SUPT5H: variants seen among roughly 807,000 people sequenced by gnomAD.
The protein encoded by SUPT5H is transcription elongation factor SPT5.
Under a neutral mutation model 142.5 loss-of-function variants are expected in SUPT5H, and 24 were observed. The observed-to-expected ratio is 0.17, with a 90% CI of 0.12 to 0.24. SUPT5H has a LOEUF of 0.24. SUPT5H is among the 10% of genes least tolerant of loss of function. SUPT5H has a pLI of 1.00. For synonymous variants in SUPT5H, 546 were observed against 553.0 expected, an observed-to-expected ratio of 0.99 and a Z score of 0.18; for missense variants, 893 against 1,471.8, an observed-to-expected ratio of 0.61 and a Z score of 6.43.
At chr19:39,456,997 A>T (rs558394220) in intron 3 of SUPT5H, among the ~76,000 whole-genome samples, 1 of 152,354 alleles carries the variant, frequency 6.6e-6, no homozygotes, top group South Asian at 2.1e-4. Flanking sequence ...CTCTATGGAC[A>T]TTGGAGTTTT....
At chr19:39,457,551 G>C in intron 3 of SUPT5H, 124 bp from the exon 4 acceptor site, 1 of 1,501,606 alleles carries the variant, frequency 6.7e-7, no homozygotes, top group South Asian at 1.3e-5. Flanking sequence ...CCCTGTTGGA[G>C]CCTCAGTGTC....
At chr19:39,459,503 G>A in intron 8 of SUPT5H, 56 bp from the exon 9 acceptor site, 1 of 1,609,346 alleles carries the variant, frequency 6.2e-7, no homozygotes, top group Non-Finnish European at 8.5e-7. Flanking sequence ...GGGTTCGTCT[G>A]TTTGTTACTG....
At position 39,459,231 on chromosome 19, in the gene SUPT5H, A is replaced by G. The variant is rs768029022; in HGVS notation, c.506A>G (p.Gln169Arg). Residue 169 changes from glutamine (Q) to arginine (R), a missense_variant, in exon 8 of 30, where the codon CAG (glutamine) becomes CGG (arginine). Gln to Arg is a conservative substitution (Grantham distance 43, BLOSUM62 1). Around this residue, in one of 6 missense-constraint regions of SUPT5H, gnomAD observed 428 missense variants for 763.5 expected, o/e 0.56. Transcript: ENST00000432763. Reference sequence around the variant, plus strand: ...CTCTCAGACGACATCACCCAGCAGCAGCTGCTCCCAGGAGTCAAGTAAGGG... The same window carrying G: ...CTCTCAGACGACATCACCCAGCAGCGGCTGCTCCCAGGAGTCAAGTAAGGG... ...DELSDDITQQ[Q>R]LLPGVKDPNL... 1 of 1,561,730 alleles carries G rather than the reference A, an allele frequency of 6.4e-7. No homozygotes were observed. The highest frequency in any genetic ancestry group is 1.4e-5 in the African/African-American group (1 of 72,556).
At chr19:39,453,165 A>T (rs1427673771) in intron 2 of SUPT5H, among the ~76,000 whole-genome samples, 191 bp from the exon 3 acceptor site, 1 of 151,954 alleles carries the variant, frequency 6.6e-6, no homozygotes, top group Non-Finnish European at 1.5e-5. Flanking sequence ...GTGGCTGGGG[A>T]GATGGCAGTG....
rs200179073 is a variant in SUPT5H, at chr19:39,469,247, C to A, written c.1238-15C>A. ...GGTGGCAACCCCCGAGTCAGCCCTA[C>A]GACTGCCCCTGCAGGGAAGGAGCGG... On this transcript the variant is annotated splice_polypyrimidine_tract_variant and intron_variant, in intron 15 of 29. Coordinates refer to ENST00000432763, the MANE Select transcript of SUPT5H (RefSeq NM_001111020.3). This position sits in a 1 kb window ranked among gnomAD's most constrained non-coding sequence, Gnocchi z 5.1. 1.4e-4 allele frequency: 228 copies of A among 1,614,078 alleles called. No homozygotes were observed. Among genetic ancestry groups the A allele is most frequent in the Admixed American group, 3.2e-4 (19 of 60,008 alleles).
Position 39,468,881 on chromosome 19 carries a change from G to A in SUPT5H, c.1143+20G>A. ...GCTGTGGTGAGGGTCCCAGAGGGGT[G>A]TTGGTAATGGGGGTGGTGTGAGTGT... On this transcript the variant is annotated intron_variant, in intron 14 of 29. Transcript: ENST00000432763. The A allele has an allele frequency of 6.2e-7, 1 of 1,610,784 alleles. No individual in the cohort carries two copies. Among genetic ancestry groups the A allele is most frequent in the Non-Finnish European group, 8.5e-7 (1 of 1,176,946 alleles).
intron 10 of SUPT5H, among the ~76,000 whole-genome samples, chr19:39,462,373 A>G (rs2079174124): frequency 6.6e-6 from 1 of 152,184 alleles, no homozygotes; most frequent in Admixed American, 6.6e-5. Flanking sequence ...AGCTCCTGGT[A>G]ACTATGAATC....
At position 39,445,935 on chromosome 19, in the gene SUPT5H, C is replaced by T. The variant is rs928717631; in HGVS notation, c.45C>T (p.Ser15=). 1.2e-6 allele frequency: 2 copies of T among 1,613,424 alleles called. No individual in the cohort carries two copies. Among genetic ancestry groups the T allele is most frequent in the Middle Eastern group, 1.6e-4 (1 of 6,062 alleles). ...EDSNFSEEED[S]ERSSDGEEAE... Reference sequence around the variant, plus strand: ...GCAACTTTTCCGAGGAGGAGGACAGCGAGCGCAGCAGTGACGGCGAGGAGG... The same window carrying T: ...GCAACTTTTCCGAGGAGGAGGACAGTGAGCGCAGCAGTGACGGCGAGGAGG... The change falls in exon 2 of 30, where the codon AGC becomes AGT. Residue 15 remains serine (S), a synonymous_variant. Coordinates refer to ENST00000432763, the MANE Select transcript of SUPT5H (RefSeq NM_001111020.3).
chr19:39,458,452 G>A lies in SUPT5H; in HGVS notation c.319+147G>A. The A allele has an allele frequency of 7.2e-7, 1 of 1,395,796 alleles. No homozygotes were observed. The highest frequency in any genetic ancestry group is 9.7e-7 in the Non-Finnish European group (1 of 1,026,370). The allele number at this position is 1,395,796 out of a possible 1,614,324, so 86.5% of individuals were successfully genotyped here. A position where few individuals can be genotyped will look rare whatever the true frequency, so the allele number is the denominator to read the frequency against. On this transcript the variant is annotated intron_variant, in intron 5 of 29. Coordinates refer to ENST00000432763, the MANE Select transcript of SUPT5H (RefSeq NM_001111020.3). The surrounding 1 kb of genome is among the most constrained non-coding windows in gnomAD (Gnocchi z 4.2). ...TGACCCATGTAGGATCCAGAGTCAG[G>A]GAGTTCTGGGGCCAGGTATACCCCA...
chr19:39,461,837 A>AT lies in SUPT5H; in HGVS notation c.624+1877_624+1878insT, dbSNP rs1170794333. On this transcript the variant is annotated intron_variant, in intron 10 of 29. Transcript: ENST00000432763. ...AGACTGTCTCAAAAAAAAAAAAAAA[A>AT]AAATAATAATAATAATAATTAAAAG... Among the ~76,000 whole-genome samples, 1,193 of 146,676 alleles carry AT rather than the reference A, an allele frequency of 8.1e-3. 5 individuals carry two copies. The highest frequency in any genetic ancestry group is 0.013 in the Non-Finnish European group (843 of 66,202).
chr19:39,447,334 A>C (rs1298224108), intron 2 of SUPT5H, among the ~76,000 whole-genome samples: 1 of 152,262 alleles, frequency 6.6e-6, no homozygotes, highest in African/African-American at 2.4e-5. Context: ...GATGTGATCT[A>C]ATGTTTTGAA....
rs76040174 is a variant in SUPT5H, at chr19:39,459,257, G to A, written c.524+8G>A. ...GCTGCTCCCAGGAGTCAAGTAAGGG[G>A]GTTGGGATGGTGGGGGCCGTGCTGG... is the stretch of plus-strand genomic sequence containing the variant. On this transcript the variant is annotated splice_region_variant and intron_variant, in intron 8 of 29. Transcript: ENST00000432763. The A allele has an allele frequency of 0.011, 16,936 of 1,557,606 alleles. 198 individuals carry two copies. The highest frequency in any genetic ancestry group is 0.055 in the African/African-American group (4,012 of 73,278).
chr19:39,473,600 G>A lies in SUPT5H; in HGVS notation c.2492+79G>A, dbSNP rs1413848422. 8 of 1,462,370 alleles carry A rather than the reference G, an allele frequency of 5.5e-6. No individual in the cohort carries two copies. Among genetic ancestry groups the A allele is most frequent in the Non-Finnish European group, 7.4e-6 (8 of 1,080,206 alleles). The allele number at this position is 1,462,370 out of a possible 1,614,324, so 90.6% of individuals were successfully genotyped here. On this transcript the variant is annotated intron_variant, in intron 25 of 29. Coordinates refer to ENST00000432763, the MANE Select transcript of SUPT5H (RefSeq NM_001111020.3). This position sits in a 1 kb window ranked among gnomAD's most constrained non-coding sequence, Gnocchi z 5.8. ...TGCTGGGTGTCTGGGGCATTGGAGG[G>A]GTTTGTGGGGCCCACCCAGCATTCT...
intron 1 of SUPT5H, 47 bp from the exon 2 acceptor site, chr19:39,445,757 C>T (rs998602959): frequency 9.5e-7 from 1 of 1,056,044 alleles, no homozygotes; most frequent in Admixed American, 2.1e-5. Context: ...TTCGCGATTG[C>T]CAAAACGAGC....
intron 10 of SUPT5H, among the ~76,000 whole-genome samples, chr19:39,460,917 G>A (rs1482308845): frequency 6.6e-6 from 1 of 152,128 alleles, no homozygotes; most frequent in Non-Finnish European, 1.5e-5. Context: ...GCCACTGGGT[G>A]TGACCCAGTG....
intron 2 of SUPT5H, among the ~76,000 whole-genome samples, chr19:39,446,446 T>C (rs959488668): frequency 7.2e-5 from 11 of 152,218 alleles, no homozygotes; most frequent in African/African-American, 2.7e-4. Context: ...TGGAGAGTCC[T>C]GGTTGCTCTT....
Position 39,458,705 on chromosome 19 carries a change from C to G in SUPT5H, c.320-113C>G, listed in dbSNP as rs551881837. 1 of 983,364 alleles carries G rather than the reference C, an allele frequency of 1.0e-6. No homozygotes were observed. The highest frequency in any genetic ancestry group is 1.7e-5 in the South Asian group (1 of 59,962). 60.9% of individuals were successfully genotyped at this position (983,364 alleles called of 1,614,324 possible). On this transcript the variant is annotated intron_variant, in intron 5 of 29. Transcript: ENST00000432763. This position sits in a 1 kb window ranked among gnomAD's most constrained non-coding sequence, Gnocchi z 4.2. ...GGTTGGGATTTCCTCTGTGAGATGT[C>G]ATCTTCCTGCCCCAGGGCCAAACCC... is the stretch of plus-strand genomic sequence containing the variant.
intron 9 of SUPT5H, 51 bp downstream of exon 9, chr19:39,459,640 T>G: frequency 6.2e-7 from 1 of 1,607,406 alleles, no homozygotes; most frequent in Non-Finnish European, 8.5e-7. Flanking sequence ...TGAGGGAGGC[T>G]GCTTTGTGGG....
At position 39,474,014 on chromosome 19, in the gene SUPT5H, G is replaced by A. The variant is rs749231784; in HGVS notation, c.2544G>A (p.Pro848=). Residue 848 remains proline (P), a synonymous_variant, in exon 26 of 30, where the codon CCG becomes CCA. Transcript: ENST00000432763. The surrounding 1 kb of genome is among the most constrained non-coding windows in gnomAD (Gnocchi z 6.5). ...YAFDDEPTPS[P]QAYGGTPNPQ... is the part of the protein sequence containing the mutation. ...TCGATGATGAGCCCACCCCGTCCCC[G>A]CAGGCCTATGGGGGAACCCCCAATC... 15 of 1,613,602 alleles carry A rather than the reference G, an allele frequency of 9.3e-6. No homozygotes were observed. Among genetic ancestry groups the A allele is most frequent in the East Asian group, 8.9e-5 (4 of 44,884 alleles).
Sources: allele counts gnomAD v4.1 joint callset (sites outside exome capture counted in the v4.1 genomes callset), GRCh38; gene constraint gnomAD v4.1.1; regional missense constraint gnomAD v4.1.1; non-coding constraint Gnocchi (gnomAD v3.1); transcripts MANE v1.5; gene names NCBI Gene and HGNC (gene_info 2026-07-23, HGNC 2026-07-21).